The following STC1 variants were observed in gnomAD, a reference collection of about 807,000 sequenced individuals.
STC1 encodes the protein stanniocalcin 1, also known as stanniocalcin-1.
In STC1, 7 loss-of-function variants were observed where a neutral mutation model predicts 22.6. That is an observed-to-expected ratio of 0.31 (90% confidence interval 0.18 to 0.58). STC1 has a LOEUF of 0.58. Ranked by LOEUF, STC1 falls within the 20% of genes least tolerant of loss-of-function variation. The probability of loss-of-function intolerance (pLI) is 0.89; values close to 1 mark genes in which losing one functional copy is unlikely to be tolerated. For synonymous variants in STC1, 113 were observed against 120.7 expected (o/e 0.94, Z 0.42); for missense variants, 224 against 311.0 (o/e 0.72, Z 2.10).
chr8:23,848,198 C>T lies in STC1; in HGVS notation c.473+3122G>A, dbSNP rs572868670. 3.4e-4 allele frequency among the ~76,000 whole-genome samples: 52 copies of T among 152,288 alleles called. 1 individual carries two copies. In the South Asian group the frequency reaches 8.9e-3, roughly 26 times the overall value. ...ACAAAAAATAGAGCAGCTCTGCTTA[C>T]ATCCCCTCCTTTGCAGTGGTAGTTA... On this transcript the variant is annotated intron_variant, in intron 3 of 3. Transcript: ENST00000290271.
chr8:23,854,729 T>TGCTGCTGCTGCTGCTGCCGCC lies in STC1; in HGVS notation c.-207_-206insGGCGGCAGCAGCAGCAGCAGC. 5.2e-6 allele frequency: 3 copies of TGCTGCTGCTGCTGCTGCCGCC among 572,092 alleles called. No individual in the cohort carries two copies. Among genetic ancestry groups the TGCTGCTGCTGCTGCTGCCGCC allele is most frequent in the South Asian group, 5.2e-5 (3 of 58,000 alleles). 35.4% of individuals were successfully genotyped at this position (572,092 alleles called of 1,614,324 possible). On this transcript the variant is annotated 5_prime_UTR_variant, in exon 1 of 4. Coordinates refer to ENST00000290271, the MANE Select transcript of STC1 (RefSeq NM_003155.3). ...CCGCTGCTGCTGCTGCTGCCGCCGC[T>TGCTGCTGCTGCTGCTGCCGCC]GCTGCTGCTGCTGCCACCGCCGCTG...
chr8:23,853,584 G>A (rs1263232695), intron 1 of STC1, among the ~76,000 whole-genome samples: 1 of 152,172 alleles, frequency 6.6e-6, no homozygotes, highest in South Asian at 2.1e-4. Flanking sequence ...ACAGTTGGAG[G>A]ACAGAGGGCA....
At chr8:23,851,612 G>A (rs747053609) in intron 2 of STC1, 81 bp from the exon 3 acceptor site, 87 of 1,341,784 alleles carry the variant, frequency 6.5e-5, no homozygotes, top group Admixed American at 2.7e-4. Context: ...GGAATTTAAG[G>A]GGGCTCATCT....
intron 3 of STC1, among the ~76,000 whole-genome samples, chr8:23,846,245 A>T (rs1030972892): frequency 6.6e-6 from 1 of 152,190 alleles, no homozygotes; most frequent in Non-Finnish European, 1.5e-5. Flanking sequence ...CTCAGAAAGG[A>T]TTAAACTGTC....
intron 1 of STC1, 49 bp downstream of exon 1, chr8:23,854,357 A>C (rs756086578): frequency 4.6e-6 from 7 of 1,523,698 alleles, no homozygotes; most frequent in African/African-American, 1.4e-5. Context: ...GGAGAGGCAA[A>C]TGAGGACAGC....
At chr8:23,854,111 C>T in intron 1 of STC1, 1 of 1,218,158 alleles carries the variant, frequency 8.2e-7, no homozygotes. Context: ...GCCTTTCCTC[C>T]CCTCTCACCC....
At chr8:23,846,391 G>A (rs985048970) in intron 3 of STC1, among the ~76,000 whole-genome samples, 15 of 152,140 alleles carry the variant, frequency 9.9e-5, no homozygotes, top group Middle Eastern at 3.2e-3. Flanking sequence ...CTCTGTGTTC[G>A]CTAATAAGAG....
At chr8:23,850,701 T>C (rs1802627879) in intron 3 of STC1, among the ~76,000 whole-genome samples, 1 of 152,052 alleles carries the variant, frequency 6.6e-6, no homozygotes, top group African/African-American at 2.4e-5. Context: ...TTCTAGGAAA[T>C]CTTGGGCTAG....
chr8:23,847,622 C>T (rs1321604263), intron 3 of STC1, among the ~76,000 whole-genome samples: 2 of 152,228 alleles, frequency 1.3e-5, no homozygotes, highest in African/African-American at 4.8e-5. Flanking sequence ...TAACCAGTGC[C>T]TGTCCAGTAA....
In STC1 at chr8:23,843,308, T is replaced by G. The variant is rs1802535329; in HGVS notation, c.*1462A>C. 1 of 152,538 alleles carries G rather than the reference T, an allele frequency of 6.6e-6. No individual in the cohort carries two copies. The highest frequency in any genetic ancestry group is 2.4e-5 in the African/African-American group (1 of 41,410). The allele number at this position is 152,538 out of a possible 1,614,324, so 9.4% of individuals were successfully genotyped here. A position where few individuals can be genotyped will look rare whatever the true frequency, so the allele number is the denominator to read the frequency against. On this transcript the variant is annotated 3_prime_UTR_variant, in exon 4 of 4. Coordinates refer to ENST00000290271, the MANE Select transcript of STC1 (RefSeq NM_003155.3). ...CTTTTTCCCTCTTTCTTTCTTTTTT[T>G]TTTCTTTTTTTCTATTTTTTTACGA...
At chr8:23,853,016 C>T (rs1415424915) in intron 1 of STC1, among the ~76,000 whole-genome samples, 1 of 147,092 alleles carries the variant, frequency 6.8e-6, no homozygotes, top group African/African-American at 2.5e-5. Flanking sequence ...TAATCTCTTT[C>T]ATATTAAAAG....
chr8:23,848,203 C>T (rs1228513404), intron 3 of STC1, among the ~76,000 whole-genome samples: 1 of 152,080 alleles, frequency 6.6e-6, no homozygotes, highest in Non-Finnish European at 1.5e-5. Flanking sequence ...GCTTACATCC[C>T]CTCCTTTGCA....
chr8:23,853,737 C>G (rs1436082792), intron 1 of STC1, among the ~76,000 whole-genome samples: 1 of 152,176 alleles, frequency 6.6e-6, no homozygotes, highest in Non-Finnish European at 1.5e-5. Context: ...GAGACCTTAC[C>G]CTTGGAGAAA....
At chr8:23,851,837 T>G (rs1436662576) in intron 2 of STC1, among the ~76,000 whole-genome samples, 1 of 152,194 alleles carries the variant, frequency 6.6e-6, no homozygotes, top group Non-Finnish European at 1.5e-5. Context: ...TTCTTGAGAT[T>G]GAGACTTTGA....
At chr8:23,845,963 G>A (rs916866290) in intron 3 of STC1, among the ~76,000 whole-genome samples, 7 of 152,170 alleles carry the variant, frequency 4.6e-5, no homozygotes, top group Non-Finnish European at 8.8e-5. Context: ...GCTTACTGAA[G>A]GCAGGATTTG....
At chr8:23,853,356 T>C (rs1802661425) in intron 1 of STC1, among the ~76,000 whole-genome samples, 1 of 152,106 alleles carries the variant, frequency 6.6e-6, no homozygotes. Flanking sequence ...TAATTATATA[T>C]TTCCACGGGT....
At chr8:23,850,387 A>T (rs73553077) in intron 3 of STC1, among the ~76,000 whole-genome samples, 1 of 152,182 alleles carries the variant, frequency 6.6e-6, no homozygotes, top group Non-Finnish European at 1.5e-5. Flanking sequence ...TAGAAATTCA[A>T]GGCTGGGAGT....
chr8:23,849,323 T>C (rs1210479409), intron 3 of STC1, among the ~76,000 whole-genome samples: 1 of 152,122 alleles, frequency 6.6e-6, no homozygotes, highest in Middle Eastern at 3.2e-3. Context: ...ATTTCTACAA[T>C]CCTGAGCAGG....
intron 3 of STC1, among the ~76,000 whole-genome samples, chr8:23,849,608 T>C (rs1282992959): frequency 6.6e-6 from 1 of 152,196 alleles, no homozygotes; most frequent in African/African-American, 2.4e-5. Flanking sequence ...TAGTTCTGCC[T>C]AAAGACCTCT....
Sources: gnomAD v4.1 joint callset for allele counts (sites outside exome capture counted in the v4.1 genomes callset) on GRCh38, gnomAD v4.1.1 for gene constraint, MANE v1.5 for transcripts, NCBI Gene and HGNC (gene_info 2026-07-23, HGNC 2026-07-21) for gene names.